The following SPATA1 variants were observed in gnomAD, a reference collection of about 807,000 sequenced individuals.
SPATA1 encodes spermatogenesis associated 1.
SPATA1 carries 57 observed loss-of-function variants against 59.6 expected under a neutral mutation model. That is an observed-to-expected ratio of 0.96 (90% CI 0.77 to 1.19). The LOEUF (loss-of-function observed/expected upper bound fraction) is 1.19. Among genes scored for constraint, SPATA1 ranks in the 50% most tolerant of loss-of-function variants. The pLI is 0.00. For missense variants in SPATA1, 448 were observed against 480.7 expected, an observed-to-expected ratio of 0.93 and a Z score of 0.64; for synonymous variants, 147 against 163.9, an observed-to-expected ratio of 0.90 and a Z score of 0.79.
intron 6 of SPATA1, among the ~76,000 whole-genome samples, chr1:84,530,179 C>G (rs186654912): frequency 6.6e-6 from 1 of 152,090 alleles, no homozygotes; most frequent in Non-Finnish European, 1.5e-5. Flanking sequence ...CGCGCCTGGC[C>G]GAGCCTAAGA....
chr1:84,546,398 C>T (rs1158898323), intron 10 of SPATA1, among the ~76,000 whole-genome samples: 2 of 139,044 alleles, frequency 1.4e-5, no homozygotes. Context: ...GCGGAAGTTG[C>T]AGTGAGCTGA....
chr1:84,519,217 G>T (rs1682918898), intron 2 of SPATA1, among the ~76,000 whole-genome samples: 1 of 151,992 alleles, frequency 6.6e-6, no homozygotes, highest in Non-Finnish European at 1.5e-5. Context: ...AAAAGAAAAA[G>T]TATGTGCCAT....
chr1:84,563,890 T>C (rs1428609331), intron 4 of SPATA1: 25 of 1,546,234 alleles, frequency 1.6e-5, no homozygotes, highest in Middle Eastern at 3.5e-4. Flanking sequence ...AATGTGTTCA[T>C]ACAAGCTATG....
At chr1:84,541,154 G>A (rs1173842497) in intron 8 of SPATA1, among the ~76,000 whole-genome samples, 1 of 152,194 alleles carries the variant, frequency 6.6e-6, no homozygotes, top group Non-Finnish European at 1.5e-5. Context: ...TTCCTTTAAT[G>A]TGTAATAGTT....
At chr1:84,515,469 C>A (rs1558571218) in intron 1 of SPATA1, among the ~76,000 whole-genome samples, 1 of 151,980 alleles carries the variant, frequency 6.6e-6, no homozygotes, top group Non-Finnish European at 1.5e-5. Flanking sequence ...GGATTTAAAT[C>A]CTTATTTTAA....
At chr1:84,525,896 G>A (rs1185356937) in exon 6 of SPATA1, 2 of 1,613,714 alleles carry the variant, frequency 1.2e-6, no homozygotes, top group South Asian at 1.1e-5. Flanking sequence ...TTTAGGAAAT[G>A]TTTATTCACC....
At chr1:84,516,301 A>G in exon 2 of SPATA1, 2 of 1,436,138 alleles carry the variant, frequency 1.4e-6, no homozygotes, top group Non-Finnish European at 1.8e-6. Flanking sequence ...TAAATGAAGA[A>G]AGATAAAAAA....
At chr1:84,565,038 C>T (rs1223802626) in intron 4 of SPATA1, among the ~76,000 whole-genome samples, 1 of 150,664 alleles carries the variant, frequency 6.6e-6, no homozygotes, top group Admixed American at 6.6e-5. Context: ...GACTCTGTCT[C>T]AGAAAAAGAA....
At chr1:84,509,260 AATTC>A (rs1363639346) in intron 1 of SPATA1, among the ~76,000 whole-genome samples, 1 of 152,056 alleles carries the variant, frequency 6.6e-6, no homozygotes, top group Non-Finnish European at 1.5e-5. Flanking sequence ...CCCAGAAACA[AATTC>A]ATTCACCTAC....
At chr1:84,549,849 T>C (rs1684216502) in intron 11 of SPATA1, 1 of 148,488 alleles carries the variant, frequency 6.7e-6, no homozygotes, top group Non-Finnish European at 1.5e-5. Flanking sequence ...GCTCAAGTAA[T>C]GGTTTGTCCA....
chr1:84,563,572 A>C (rs1570471744), intron 4 of SPATA1, among the ~76,000 whole-genome samples: 1 of 152,182 alleles, frequency 6.6e-6, no homozygotes, highest in East Asian at 1.9e-4. Context: ...TTATTAAATG[A>C]AAATGTATGA....
intron 11 of SPATA1, among the ~76,000 whole-genome samples, chr1:84,549,314 C>T (rs573210982): frequency 6.6e-6 from 1 of 152,206 alleles, no homozygotes; most frequent in East Asian, 1.9e-4. Flanking sequence ...ATAAATCTTT[C>T]CCTTTATCCT....
intron 6 of SPATA1, among the ~76,000 whole-genome samples, chr1:84,526,961 A>T (rs1683252180): frequency 6.6e-6 from 1 of 151,728 alleles, no homozygotes; most frequent in Non-Finnish European, 1.5e-5. Flanking sequence ...ACAGTCTAAG[A>T]ATCAATAGGA....
At chr1:84,516,386 C>A in exon 2 of SPATA1, 3 of 1,499,288 alleles carry the variant, frequency 2.0e-6, no homozygotes, top group South Asian at 1.4e-5. Context: ...GTCGACCTTC[C>A]TCATCAGAGG....
chr1:84,528,385 CTA>C (rs1460203268), intron 6 of SPATA1, among the ~76,000 whole-genome samples: 11 of 152,118 alleles, frequency 7.2e-5, no homozygotes, highest in Admixed American at 2.0e-4. Context: ...TCTTTTTACT[CTA>C]TGATTCTTTT....
downstream of SPATA1, among the ~76,000 whole-genome samples, chr1:84,566,369 G>C (rs1207816649): frequency 6.6e-6 from 1 of 152,150 alleles, no homozygotes; most frequent in Non-Finnish European, 1.5e-5. Context: ...CAACTAGAGA[G>C]TAAAGGCACA....
chr1:84,547,241 GATCT>G lies in SPATA1; in HGVS notation c.946+1487_946+1490del, dbSNP rs200525564. On this transcript the variant is annotated intron_variant, in intron 10 of 12. Coordinates refer to ENST00000490879, the Ensembl canonical transcript of SPATA1. ...TCACAGGACCAGGATTGTAACACCA[GATCT>G]ATCTTTTACTTAGACAAGTTACTTC... 3.9e-3 allele frequency among the ~76,000 whole-genome samples: 594 copies of G among 152,300 alleles called. 3 individuals are homozygous for G. The highest frequency in any genetic ancestry group is 0.014 in the African/African-American group (566 of 41,554).
At chr1:84,563,208 A>C (rs376933472) in intron 4 of SPATA1, 4 of 1,243,618 alleles carry the variant, frequency 3.2e-6, no homozygotes, top group Non-Finnish European at 4.2e-6. Flanking sequence ...TATGAAAATA[A>C]TTACAAAAAC....
intron 4 of SPATA1, chr1:84,563,926 AACAAGT>A: frequency 7.3e-7 from 1 of 1,369,928 alleles, no homozygotes; most frequent in Non-Finnish European, 9.5e-7. Flanking sequence ...TGTTTGTAAA[AACAAGT>A]ACATTTATAA....
Sources: gnomAD v4.1 joint callset for allele counts (sites outside exome capture counted in the v4.1 genomes callset) on GRCh38, gnomAD v4.1.1 for gene constraint, MANE v1.5 for transcripts, NCBI Gene and HGNC (gene_info 2026-07-23, HGNC 2026-07-21) for gene names.